Variants in COL6A2 observed in about 807,000 individuals in gnomAD.
COL6A2 encodes collagen type VI alpha 2 chain.
COL6A2 carries 90 observed loss-of-function variants against 124.9 expected under a neutral mutation model. The observed-to-expected ratio is 0.72, with a 90% CI of 0.61 to 0.86. The LOEUF (loss-of-function observed/expected upper bound fraction) is 0.86. Among genes scored for constraint, COL6A2 ranks in the 40% least tolerant of loss-of-function variants. The probability of loss-of-function intolerance (pLI) is 0.00; values close to 1 mark genes in which losing one functional copy is unlikely to be tolerated. For missense variants in COL6A2, 1,607 were observed against 1,502.5 expected, an observed-to-expected ratio of 1.07 and a Z score of -1.15; for synonymous variants, 793 against 618.2, an observed-to-expected ratio of 1.28 and a Z score of -4.19.
intron 27 of COL6A2, among the ~76,000 whole-genome samples, chr21:46,127,529 T>C (rs922538812): frequency 3.3e-5 from 5 of 152,060 alleles, no homozygotes; most frequent in Non-Finnish European, 2.9e-5. Context: ...CCCACAACAG[T>C]GGGCTGTGCT....
At chr21:46,128,438 G>A (rs1377757466) in intron 27 of COL6A2, among the ~76,000 whole-genome samples, 1 of 152,232 alleles carries the variant, frequency 6.6e-6, no homozygotes, top group Admixed American at 6.5e-5. Flanking sequence ...CACACGGCCA[G>A]GCATCCTCCT....
At position 46,117,924 on chromosome 21, in the gene COL6A2, C is replaced by T; in HGVS notation, c.1104C>T (p.Asp368=). Reference sequence around the variant, plus strand: ...CAGGGAGTCCAGGGGAGCGAGGAGACCAAGGCGGCAAGGTAAGTGGCCTTG... The same window carrying T: ...CAGGGAGTCCAGGGGAGCGAGGAGATCAAGGCGGCAAGGTAAGTGGCCTTG... ...GEAGSPGERG[D]QGGKGDPGRP... is the part of the protein sequence containing the mutation. The change falls in exon 12 of 28, where the codon GAC becomes GAT. Residue 368 remains aspartate, a synonymous_variant. Coordinates refer to ENST00000300527, the MANE Select transcript of COL6A2 (RefSeq NM_001849.4). 1 of 1,612,788 alleles carries T rather than the reference C, an allele frequency of 6.2e-7. No homozygotes were observed. Among genetic ancestry groups the T allele is most frequent in the Non-Finnish European group, 8.5e-7 (1 of 1,179,746 alleles).
At chr21:46,127,834 G>A (rs760986993) in intron 27 of COL6A2, among the ~76,000 whole-genome samples, 3 of 152,282 alleles carry the variant, frequency 2.0e-5, no homozygotes, top group Admixed American at 6.5e-5. Context: ...TGGATGTCAC[G>A]TGACCTTTCC....
chr21:46,117,082 A>AC (rs1160946455), intron 10 of COL6A2, among the ~76,000 whole-genome samples: 1 of 152,100 alleles, frequency 6.6e-6, no homozygotes, highest in Non-Finnish European at 1.5e-5. Flanking sequence ...CAACAAGCCT[A>AC]CCCACTCCCA....
rs772695537 is a variant in COL6A2 at position 46,129,229 on chromosome 21, C to T, written c.2461+2688C>T. ...TGGCCTGGCGGCGAGCCCCCGGTCA[C>T]CTTCCTCCGCACGGAAGAGGGGCCG... On this transcript the variant is annotated intron_variant, in intron 27 of 27. Coordinates refer to ENST00000300527, the MANE Select transcript of COL6A2 (RefSeq NM_001849.4). 7 of 1,612,980 alleles carry T rather than the reference C, an allele frequency of 4.3e-6. No individual in the cohort carries two copies. The highest frequency in any genetic ancestry group is 5.9e-6 in the Non-Finnish European group (7 of 1,179,966).
chr21:46,109,445 C>T (rs945043434), intron 1 of COL6A2, among the ~76,000 whole-genome samples: 19 of 152,302 alleles, frequency 1.2e-4, no homozygotes, highest in Admixed American at 1.0e-3. Flanking sequence ...GGCAACCCGG[C>T]CCCCAGGCTT....
At chr21:46,099,887 G>GACTTTTTT (rs2078268945) in intron 1 of COL6A2, among the ~76,000 whole-genome samples, 1 of 61,430 alleles carries the variant, frequency 1.6e-5, no homozygotes, top group Admixed American at 2.2e-4. Flanking sequence ...TAGCAGCACT[G>GACTTTTTT]TCTTTTTTTT....
At chr21:46,101,953 G>A (rs1008624466) in intron 1 of COL6A2, among the ~76,000 whole-genome samples, 1 of 143,352 alleles carries the variant, frequency 7.0e-6, no homozygotes, top group Non-Finnish European at 1.5e-5. Flanking sequence ...ACAATCACTG[G>A]GATTTTTATA....
At chr21:46,118,551 G>C in intron 12 of COL6A2, 63 bp from the exon 13 acceptor site, 2 of 1,525,244 alleles carry the variant, frequency 1.3e-6, no homozygotes, top group Non-Finnish European at 1.8e-6. Flanking sequence ...CCCCCGCAGC[G>C]GGCATCCTGC....
intron 27 of COL6A2, among the ~76,000 whole-genome samples, chr21:46,127,404 G>A (rs1458849162): frequency 1.3e-5 from 2 of 152,144 alleles, no homozygotes; most frequent in African/African-American, 2.4e-5. Flanking sequence ...CCCTGAGGCT[G>A]CCCCAGGGGA....
chr21:46,124,285 ATGGGTGAT>A (rs919549322), intron 21 of COL6A2, among the ~76,000 whole-genome samples: 11 of 151,358 alleles, frequency 7.3e-5, no homozygotes, highest in Admixed American at 2.6e-4. Flanking sequence ...GGATAGATGG[ATGGGTGAT>A]TGGGCGAATG....
At chr21:46,098,604 C>T (rs1370486760) in intron 1 of COL6A2, among the ~76,000 whole-genome samples, 1 of 151,682 alleles carries the variant, frequency 6.6e-6, no homozygotes, top group African/African-American at 2.4e-5. Context: ...CTGGCTGGGA[C>T]CTCCGGGGGC....
In COL6A2 at chr21:46,116,247, A is replaced by C; in HGVS notation, c.901-130A>C. 1 of 1,232,750 alleles carries C rather than the reference A, an allele frequency of 8.1e-7. No homozygotes were observed. The highest frequency in any genetic ancestry group is 1.2e-6 in the Non-Finnish European group (1 of 859,968). 76.4% of individuals were successfully genotyped at this position (1,232,750 alleles called of 1,614,324 possible). A position where few individuals can be genotyped will look rare whatever the true frequency, so the allele number is the denominator to read the frequency against. On this transcript the variant is annotated intron_variant, in intron 7 of 27. Coordinates refer to ENST00000300527, the MANE Select transcript of COL6A2 (RefSeq NM_001849.4). This position sits in a 1 kb window ranked among gnomAD's most constrained non-coding sequence, Gnocchi z 4.6. Reference sequence around the variant, plus strand: ...CGACCCAGGGCTCAGCCTCCTCCGCAGACTGTTTGTCGAGAACACTAGATG... The same window carrying C: ...CGACCCAGGGCTCAGCCTCCTCCGCCGACTGTTTGTCGAGAACACTAGATG...
chr21:46,109,399 G>A (rs995798899), intron 1 of COL6A2, among the ~76,000 whole-genome samples: 4 of 152,212 alleles, frequency 2.6e-5, no homozygotes, highest in Non-Finnish European at 5.9e-5. Flanking sequence ...AGGCCCAGAA[G>A]AAAGCACCTT....
Position 46,132,137 on chromosome 21 carries a change from T to G in COL6A2, c.2645T>G (p.Phe882Cys), listed in dbSNP as rs771193919. 1 of 1,576,230 alleles carries G rather than the reference T, an allele frequency of 6.3e-7. No individual in the cohort carries two copies. The highest frequency in any genetic ancestry group is 1.8e-5 in the Admixed American group (1 of 54,228). ...PLNARVALLQ[F>C]GGPGEQQVAF... The stretch of plus-strand genomic sequence containing the variant: ...AACGCACGCGTGGCGCTGCTGCAGT[T>G]TGGTGGCCCCGGCGAGCAGCAGGTG... Residue 882 changes from phenylalanine to cysteine, a missense_variant, in exon 28 of 28, where the codon TTT (phenylalanine) becomes TGT (cysteine). Coordinates refer to ENST00000300527, the MANE Select transcript of COL6A2 (RefSeq NM_001849.4).
intron 27 of COL6A2, among the ~76,000 whole-genome samples, chr21:46,127,024 G>T (rs1207484416): frequency 6.6e-6 from 1 of 152,226 alleles, no homozygotes; most frequent in Non-Finnish European, 1.5e-5. Flanking sequence ...ACATCTCTGG[G>T]AGTGGGGGAG....
chr21:46,128,837 G>C, intron 27 of COL6A2: 1 of 1,355,034 alleles, frequency 7.4e-7, no homozygotes, highest in Non-Finnish European at 1.1e-6. Context: ...GGGTGGCTGG[G>C]GTCTTCCTGG....
chr21:46,130,047 G>A (rs1488527391), intron 27 of COL6A2, among the ~76,000 whole-genome samples: 2 of 152,168 alleles, frequency 1.3e-5, no homozygotes, highest in African/African-American at 4.8e-5. Context: ...TCCCGTGCAT[G>A]GTGACTCGTG....
In COL6A2 at chr21:46,112,842, TC is replaced by T. The variant is rs761824733; in HGVS notation, c.735+20del. 6.2e-7 allele frequency: 1 copy of T among 1,613,110 alleles called. No homozygotes were observed. Among genetic ancestry groups the T allele is most frequent in the Non-Finnish European group, 8.5e-7 (1 of 1,179,976 alleles). On this transcript the variant is annotated intron_variant, in intron 4 of 27. Transcript: ENST00000300527. Reference sequence around the variant, plus strand: ...ACGGAGAGGTGAGTGGCGCTTCCCTTCCTGCCAGTGCTGGCCGGCAGCTGAC... The same window carrying T: ...ACGGAGAGGTGAGTGGCGCTTCCCTTCTGCCAGTGCTGGCCGGCAGCTGAC...
Sources: gnomAD v4.1 joint callset for allele counts (sites outside exome capture counted in the v4.1 genomes callset) on GRCh38, gnomAD v4.1.1 for gene constraint, Gnocchi (gnomAD v3.1) non-coding constraint, MANE v1.5 for transcripts, NCBI Gene and HGNC (gene_info 2026-07-23, HGNC 2026-07-21) for gene names.